The following SLC36A1 variants were observed in gnomAD, a reference collection of about 807,000 sequenced individuals.
SLC36A1 encodes the protein solute carrier family 36 member 1, also known as proton-coupled amino acid transporter 1.
In SLC36A1, 30 loss-of-function variants were observed where a neutral mutation model predicts 47.5. The observed-to-expected ratio is 0.63, with a 90% CI of 0.47 to 0.86. The LOEUF is 0.86. SLC36A1 is among the 40% of genes least tolerant of loss of function. The pLI, the probability that SLC36A1 is intolerant of heterozygous loss-of-function variation, is 0.00. For synonymous variants in SLC36A1, 255 were observed against 249.7 expected, an observed-to-expected ratio of 1.02 and a Z score of -0.20; for missense variants, 517 against 606.0, an observed-to-expected ratio of 0.85 and a Z score of 1.54.
At chr5:151,440,547 C>A (rs1457726309) in intron 1 of SLC36A1, among the ~76,000 whole-genome samples, 9 of 148,646 alleles carry the variant, frequency 6.1e-5, no homozygotes, top group Admixed American at 6.0e-4. Context: ...GGGGCTGGTA[C>A]TCTTGAGGGC....
the SLC36A1 span, among the ~76,000 whole-genome samples, chr5:151,393,157 T>C: frequency 2.6e-5 from 4 of 151,862 alleles, no homozygotes; most frequent in South Asian, 2.1e-4. Flanking sequence ...CATTATGTAA[T>C]GGCCTTCTTT....
At chr5:151,414,788 T>G in the SLC36A1 span, 1 of 152,146 alleles carries the variant, frequency 6.6e-6, no homozygotes, top group Admixed American at 6.5e-5. Context: ...GGGAGAAGAT[T>G]GTTTTAAAAA....
chr5:151,479,351 A>G lies in SLC36A1; in HGVS notation c.1021A>G (p.Ile341Val), dbSNP rs1328427638. 6.2e-7 allele frequency: 1 copy of G among 1,614,168 alleles called. No homozygotes were observed. The highest frequency in any genetic ancestry group is 8.5e-7 in the Non-Finnish European group (1 of 1,180,016). Residue 341 changes from isoleucine (I) to valine (V), a missense_variant, in exon 10 of 11, where the codon ATC becomes GTC. Coordinates refer to ENST00000243389, the MANE Select transcript of SLC36A1 (RefSeq NM_078483.4). ...LYQSVKLLYS[I>V]GIFFTYALQF... ...CCAGTCAGTTAAGCTGCTGTACTCC[A>G]TCGGGATCTTTTTCACCTACGCACT... is the stretch of plus-strand genomic sequence containing the variant.
In SLC36A1 at chr5:151,463,656, A is replaced by G. The variant is rs1755908197; in HGVS notation, c.234+13A>G. The stretch of plus-strand genomic sequence containing the variant: ...TGCAGGCATCGTGGTAAGGGTCTGC[A>G]TCAGTGGAGAGGAGTGGTGACAAAT... On this transcript the variant is annotated intron_variant, in intron 3 of 10. Transcript: ENST00000243389. The G allele has an allele frequency of 6.2e-7, 1 of 1,609,216 alleles. No individual in the cohort carries two copies. The highest frequency in any genetic ancestry group is 1.3e-5 in the African/African-American group (1 of 74,940).
At chr5:151,426,762 G>A in the SLC36A1 span, among the ~76,000 whole-genome samples, 46 of 152,148 alleles carry the variant, frequency 3.0e-4, 1 homozygote, top group Admixed American at 1.8e-3. Flanking sequence ...CCCTTCCCAC[G>A]AGGCCATATC....
chr5:151,473,571 G>A (rs1394688261), intron 7 of SLC36A1, 102 bp from the exon 8 acceptor site: 15 of 716,000 alleles, frequency 2.1e-5, no homozygotes, highest in Non-Finnish European at 3.6e-5. Context: ...AGAGAATCTT[G>A]GATTTGTTAA....
the SLC36A1 span, chr5:151,532,042 A>G: frequency 6.4e-7 from 1 of 1,565,206 alleles, no homozygotes; most frequent in Non-Finnish European, 8.7e-7. Flanking sequence ...CAAACCCTGC[A>G]GCCACAGGAG....
chr5:151,538,698 G>A, the SLC36A1 span, among the ~76,000 whole-genome samples: 1 of 152,098 alleles, frequency 6.6e-6, no homozygotes, highest in East Asian at 1.9e-4. Context: ...TCTTTTTTGA[G>A]ACAGAGTCTC....
chr5:151,398,026 G>T, the SLC36A1 span, among the ~76,000 whole-genome samples: 61,818 of 151,866 alleles, frequency 0.41, 12,741 homozygotes, highest in African/African-American at 0.48. Flanking sequence ...GCTGAGGTGG[G>T]AGGATCGCTT....
chr5:151,375,054 T>G, the SLC36A1 span, among the ~76,000 whole-genome samples: 2 of 152,218 alleles, frequency 1.3e-5, no homozygotes, highest in Non-Finnish European at 2.9e-5. Flanking sequence ...CAGCAGCTTT[T>G]TAGCTTAATT....
At chr5:151,484,324 G>T (rs1759227733) in intron 10 of SLC36A1, among the ~76,000 whole-genome samples, 2 of 152,198 alleles carry the variant, frequency 1.3e-5, no homozygotes, top group South Asian at 4.1e-4. Flanking sequence ...GGAGATGCTT[G>T]TGTGGCTGGG....
At chr5:151,454,270 C>T (rs539692624) in intron 1 of SLC36A1, among the ~76,000 whole-genome samples, 1 of 152,088 alleles carries the variant, frequency 6.6e-6, no homozygotes, top group African/African-American at 2.4e-5. Flanking sequence ...AGACAGTTAA[C>T]AGGTACTATT....
intron 8 of SLC36A1, among the ~76,000 whole-genome samples, chr5:151,474,036 T>C (rs1424824693): frequency 6.6e-6 from 1 of 151,278 alleles, no homozygotes; most frequent in Non-Finnish European, 1.5e-5. Context: ...GGCACACGCC[T>C]ATAATCCCAG....
chr5:151,355,195 C>G, the SLC36A1 span, among the ~76,000 whole-genome samples: 1 of 152,006 alleles, frequency 6.6e-6, no homozygotes, highest in African/African-American at 2.4e-5. Context: ...AAATTTTTTA[C>G]TCTTCAATTT....
the SLC36A1 span, among the ~76,000 whole-genome samples, chr5:151,358,842 C>T: frequency 2.0e-5 from 3 of 151,510 alleles, no homozygotes; most frequent in East Asian, 1.9e-4. Flanking sequence ...GGCGCGGTGG[C>T]GGGTGCCTGT....
At chr5:151,453,017 C>T (rs947578236) in intron 1 of SLC36A1, among the ~76,000 whole-genome samples, 2 of 151,902 alleles carry the variant, frequency 1.3e-5, no homozygotes, top group Non-Finnish European at 2.9e-5. Context: ...GCCTGGCCAA[C>T]ATGATGAAAC....
chr5:151,533,393 A>AAAACACACACACACAC, the SLC36A1 span, among the ~76,000 whole-genome samples: 32 of 132,182 alleles, frequency 2.4e-4, no homozygotes, highest in East Asian at 6.1e-3. Context: ...TGTTATCTCC[A>AAAACACACACACACAC]ACACACACAC....
the SLC36A1 span, among the ~76,000 whole-genome samples, chr5:151,344,769 G>A: frequency 6.6e-6 from 1 of 152,140 alleles, no homozygotes; most frequent in African/African-American, 2.4e-5. Context: ...CATAACTGAG[G>A]AAATGAAGGC....
the SLC36A1 span, chr5:151,512,714 G>C: frequency 4.7e-6 from 5 of 1,055,682 alleles, no homozygotes; most frequent in South Asian, 3.3e-5. This position sits in a 1 kb window ranked among gnomAD's most constrained non-coding sequence, Gnocchi z 4.1. Flanking sequence ...GGGTAGGAGG[G>C]GGGTGTTTGG....
Sources: gnomAD v4.1 joint callset for allele counts (sites outside exome capture counted in the v4.1 genomes callset) on GRCh38, gnomAD v4.1.1 for gene constraint, Gnocchi (gnomAD v3.1) non-coding constraint, MANE v1.5 for transcripts, NCBI Gene and HGNC (gene_info 2026-07-23, HGNC 2026-07-21) for gene names.